The following EPHA6 variants were observed in gnomAD, a reference collection of about 807,000 sequenced individuals.
EPHA6 encodes EPH receptor A6.
A neutral mutation model predicts 112.0 loss-of-function variants in EPHA6; 50 were observed. The observed-to-expected ratio is 0.45, with a 90% CI of 0.36 to 0.56. The LOEUF (loss-of-function observed/expected upper bound fraction) is 0.56. Ranked by LOEUF, EPHA6 falls within the 20% of genes least tolerant of loss-of-function variation. EPHA6 has a pLI of 0.00. For synonymous variants in EPHA6, 529 were observed against 490.7 expected, an observed-to-expected ratio of 1.08 and a Z score of -1.03; for missense variants, 1,280 against 1,417.4, an observed-to-expected ratio of 0.90 and a Z score of 1.56.
intron 5 of EPHA6, among the ~76,000 whole-genome samples, chr3:97,397,821 AATATGGAATTGGAT>A (rs1357372267): frequency 2.6e-5 from 4 of 151,608 alleles, no homozygotes; most frequent in Non-Finnish European, 4.4e-5. Context: ...ACTATTTCAA[AATATGGAATTGGAT>A]TTAGTATGCA....
chr3:97,171,951 C>A (rs2085374369), intron 3 of EPHA6, among the ~76,000 whole-genome samples: 1 of 151,988 alleles, frequency 6.6e-6, no homozygotes, highest in Admixed American at 6.6e-5. Context: ...GCAGCAATAT[C>A]AAGAAGGAAG....
intron 11 of EPHA6, among the ~76,000 whole-genome samples, chr3:97,588,433 C>T (rs2093512091): frequency 6.6e-6 from 1 of 152,082 alleles, no homozygotes; most frequent in South Asian, 2.1e-4. Flanking sequence ...AAAATGCAAC[C>T]TAATGAAAAC....
chr3:97,318,083 G>C (rs1403862641), intron 5 of EPHA6, among the ~76,000 whole-genome samples: 1 of 152,074 alleles, frequency 6.6e-6, no homozygotes, highest in South Asian at 2.1e-4. Context: ...AGGAGCTCAG[G>C]TCTGTTTGGG....
chr3:97,481,264 T>C (rs2034941), intron 9 of EPHA6: 176,395 of 1,480,332 alleles, frequency 0.12, 15,637 homozygotes, highest in African/African-American at 0.39. Flanking sequence ...AACCAGGAAT[T>C]GAATAAATAA....
intron 3 of EPHA6, among the ~76,000 whole-genome samples, chr3:97,186,845 C>T (rs895968669): frequency 7.2e-5 from 11 of 152,010 alleles, no homozygotes; most frequent in African/African-American, 2.7e-4. Flanking sequence ...CATTATGTTT[C>T]CCACTCTTTT....
chr3:97,657,967 A>G (rs1176401666), intron 14 of EPHA6, among the ~76,000 whole-genome samples: 1 of 151,820 alleles, frequency 6.6e-6, no homozygotes, highest in Non-Finnish European at 1.5e-5. Flanking sequence ...ATTAGATAGG[A>G]CAGAAGTCAC....
Position 97,458,067 on chromosome 3 carries a change from C to CAAA in EPHA6, c.1894+9361_1894+9363dup, listed in dbSNP as rs68128372. Among the ~76,000 whole-genome samples the CAAA allele has an allele frequency of 2.7e-3, 135 of 50,564 alleles. 27 individuals carry two copies. The highest frequency in any genetic ancestry group is 7.5e-3 in the African/African-American group (84 of 11,126). 33.2% of individuals were successfully genotyped at this position (50,564 alleles called of 152,430 possible). The stretch of plus-strand genomic sequence containing the variant: ...TGGGCGACAGTGCGAGACTCCGTCT[C>CAAA]AAAAAAAAAAAAAAAAAAAAAAAAA... On this transcript the variant is annotated intron_variant, in intron 7 of 17. Transcript: ENST00000389672.
intron 3 of EPHA6, among the ~76,000 whole-genome samples, chr3:97,168,954 A>G (rs559049787): frequency 6.6e-6 from 1 of 152,110 alleles, no homozygotes; most frequent in Non-Finnish European, 1.5e-5. Flanking sequence ...AAAGTTTGGA[A>G]CTAGAGAGTT....
rs912102486 is a variant in EPHA6 at position 97,696,882 on chromosome 3, G to A, written c.2785-23379G>A. Among the ~76,000 whole-genome samples, 3 of 152,130 alleles carry A rather than the reference G, an allele frequency of 2.0e-5. No homozygotes were observed. The East Asian group carries it at 5.8e-4, about 29-fold the overall frequency. The stretch of plus-strand genomic sequence containing the variant: ...TTGGGAAAGCCAAGCCTCAACCATT[G>A]CTGGCCACAGTGTCAGTGTGCAGGC... On this transcript the variant is annotated intron_variant, in intron 14 of 17. Transcript: ENST00000389672.
At chr3:97,542,108 A>G (rs1474266270) in intron 11 of EPHA6, among the ~76,000 whole-genome samples, 1 of 138,992 alleles carries the variant, frequency 7.2e-6, no homozygotes, top group Non-Finnish European at 1.5e-5. Flanking sequence ...TTTTTTTTTT[A>G]TACTTTACGT....
chr3:96,854,214 C>G (rs1254777658), intron 1 of EPHA6, among the ~76,000 whole-genome samples: 1 of 141,096 alleles, frequency 7.1e-6, no homozygotes, highest in East Asian at 2.1e-4. Flanking sequence ...GAGTCTCGCT[C>G]TATCTCCCAG....
chr3:97,577,502 G>A (rs1172785728), intron 11 of EPHA6, among the ~76,000 whole-genome samples: 1 of 151,404 alleles, frequency 6.6e-6, no homozygotes, highest in East Asian at 1.9e-4. Flanking sequence ...CTAAGCTTAT[G>A]AATTAAAAAA....
At chr3:97,564,836 A>G (rs1454201229) in intron 11 of EPHA6, among the ~76,000 whole-genome samples, 2 of 152,192 alleles carry the variant, frequency 1.3e-5, no homozygotes, top group Non-Finnish European at 2.9e-5. Context: ...GCCAATTGCT[A>G]CATAATCAGA....
chr3:97,425,605 C>T (rs536893315), intron 6 of EPHA6, among the ~76,000 whole-genome samples: 3 of 152,278 alleles, frequency 2.0e-5, no homozygotes, highest in Admixed American at 6.5e-5. Flanking sequence ...GAGGGACTGC[C>T]GGGAAGATCT....
chr3:97,083,884 A>C (rs2046802648), intron 3 of EPHA6, among the ~76,000 whole-genome samples: 1 of 151,630 alleles, frequency 6.6e-6, no homozygotes, highest in Non-Finnish European at 1.5e-5. Context: ...ATATACATAC[A>C]TGAAATTCTA....
intron 5 of EPHA6, among the ~76,000 whole-genome samples, chr3:97,344,143 TGATTTA>T (rs2083435444): frequency 6.6e-6 from 1 of 152,146 alleles, no homozygotes. Context: ...CACCCATATC[TGATTTA>T]GATGATATTT....
intron 14 of EPHA6, among the ~76,000 whole-genome samples, chr3:97,680,480 C>G (rs932091270): frequency 6.6e-6 from 1 of 152,180 alleles, no homozygotes; most frequent in Non-Finnish European, 1.5e-5. Context: ...TTGTATTTCT[C>G]TACTATTTGC....
At chr3:96,964,860 C>T (rs1166064481) in intron 2 of EPHA6, among the ~76,000 whole-genome samples, 1 of 152,140 alleles carries the variant, frequency 6.6e-6, no homozygotes, top group Non-Finnish European at 1.5e-5. Context: ...CTACTGTCTT[C>T]ATCAATAGTA....
chr3:97,563,521 T>C (rs1157216742), intron 11 of EPHA6, among the ~76,000 whole-genome samples: 2 of 152,150 alleles, frequency 1.3e-5, no homozygotes, highest in East Asian at 3.9e-4. Context: ...CCAGGGGTGA[T>C]GGGAAATTTT....
Sources: gnomAD v4.1 joint callset for allele counts (sites outside exome capture counted in the v4.1 genomes callset) on GRCh38, gnomAD v4.1.1 for gene constraint, MANE v1.5 for transcripts, NCBI Gene and HGNC (gene_info 2026-07-23, HGNC 2026-07-21) for gene names.